The following LRMDA variants were observed in gnomAD, a reference collection of about 807,000 sequenced individuals.
LRMDA encodes leucine rich melanocyte differentiation associated.
A neutral mutation model predicts 29.8 loss-of-function variants in LRMDA; 18 were observed. The observed-to-expected ratio is 0.60, with a 90% confidence interval of 0.42 to 0.90. LRMDA has a LOEUF of 0.90. LRMDA is among the 40% of genes least tolerant of loss of function. The pLI is 0.00. For missense variants in LRMDA, 273 were observed against 273.9 expected, an observed-to-expected ratio of 1.00 and a Z score of 0.02; for synonymous variants, 125 against 109.4, an observed-to-expected ratio of 1.14 and a Z score of -0.89.
chr10:76,220,982 A>G (rs1196205946), intron 5 of LRMDA, among the ~76,000 whole-genome samples: 1 of 152,154 alleles, frequency 6.6e-6, no homozygotes, highest in Non-Finnish European at 1.5e-5. Context: ...CAAATCAATA[A>G]ATGTAATCCA....
At chr10:75,867,424 G>T (rs562885766) in intron 2 of LRMDA, among the ~76,000 whole-genome samples, 9 of 152,274 alleles carry the variant, frequency 5.9e-5, no homozygotes, top group African/African-American at 2.2e-4. Context: ...GCCTCCCAAA[G>T]TGCTGGGATT....
At chr10:76,141,740 C>A (rs138346349) in intron 5 of LRMDA, among the ~76,000 whole-genome samples, 37 of 152,198 alleles carry the variant, frequency 2.4e-4, no homozygotes, top group African/African-American at 8.2e-4. Flanking sequence ...AGCTTTCAAG[C>A]CCCTTGGTCC....
At chr10:75,520,546 C>T (rs955985500) in intron 2 of LRMDA, among the ~76,000 whole-genome samples, 11 of 152,178 alleles carry the variant, frequency 7.2e-5, no homozygotes, top group Admixed American at 7.2e-4. Flanking sequence ...TTAAGTTCTT[C>T]TCTCTACACT....
At chr10:76,320,616 T>TA (rs2132393265) in intron 5 of LRMDA, among the ~76,000 whole-genome samples, 1 of 152,296 alleles carries the variant, frequency 6.6e-6, no homozygotes, top group Admixed American at 6.5e-5. Flanking sequence ...TTGGTGTTTT[T>TA]AAAAAAATTT....
At position 75,497,621 on chromosome 10, in the gene LRMDA, C is replaced by G. The variant is rs773799419; in HGVS notation, c.131+59127C>G. 2.6e-4 allele frequency among the ~76,000 whole-genome samples: 40 copies of G among 152,020 alleles called. No homozygotes were observed. The South Asian group carries it at 2.7e-3, about 10-fold the overall frequency. ...TTCCTAGCTAATTCCTGCTCCCTCC[C>G]CTCCATAGGCAATTGCTCTTTTTTT... On this transcript the variant is annotated intron_variant, in intron 2 of 6. Coordinates refer to ENST00000611255, the MANE Select transcript of LRMDA (RefSeq NM_001305581.2).
chr10:75,502,722 A>G (rs570765169), intron 2 of LRMDA, among the ~76,000 whole-genome samples: 13 of 152,160 alleles, frequency 8.5e-5, no homozygotes, highest in African/African-American at 2.6e-4. Flanking sequence ...GTGGGTACAC[A>G]CTTCTTTCTC....
chr10:75,792,094 C>T (rs964476206), intron 2 of LRMDA, among the ~76,000 whole-genome samples: 4 of 151,860 alleles, frequency 2.6e-5, no homozygotes, highest in South Asian at 2.1e-4. Flanking sequence ...CTCCTGACCT[C>T]GTGATCCCCC....
intron 6 of LRMDA, among the ~76,000 whole-genome samples, chr10:76,329,897 C>T (rs887272282): frequency 9.2e-5 from 14 of 152,176 alleles, no homozygotes; most frequent in Non-Finnish European, 1.9e-4. Context: ...AAATACGTTT[C>T]CACAGAAGAC....
chr10:75,628,802 A>G (rs1176877635), intron 2 of LRMDA, among the ~76,000 whole-genome samples: 1 of 152,140 alleles, frequency 6.6e-6, no homozygotes, highest in African/African-American at 2.4e-5. Flanking sequence ...GGGGCTGGCC[A>G]TGCATGTGCC....
chr10:75,673,555 C>T (rs1460605188), intron 2 of LRMDA, among the ~76,000 whole-genome samples: 1 of 152,146 alleles, frequency 6.6e-6, no homozygotes, highest in Non-Finnish European at 1.5e-5. Context: ...CTGGTGGCTC[C>T]TAGTCTTGGG....
At chr10:76,274,300 G>A (rs535144163) in intron 5 of LRMDA, among the ~76,000 whole-genome samples, 2 of 152,288 alleles carry the variant, frequency 1.3e-5, no homozygotes, top group African/African-American at 4.8e-5. Context: ...AAATAAATGA[G>A]TTGTGAAAAT....
At chr10:75,797,020 T>C (rs1305881348) in intron 2 of LRMDA, among the ~76,000 whole-genome samples, 4 of 152,252 alleles carry the variant, frequency 2.6e-5, no homozygotes, top group Admixed American at 1.3e-4. Context: ...TCCTCTGTGC[T>C]CTGAAAGAGT....
chr10:76,333,663 C>T (rs145453840), intron 6 of LRMDA, among the ~76,000 whole-genome samples: 9 of 152,178 alleles, frequency 5.9e-5, no homozygotes, highest in East Asian at 1.9e-4. Context: ...GTTTTTCCTC[C>T]GCATGTTATT....
intron 6 of LRMDA, among the ~76,000 whole-genome samples, chr10:76,521,063 AC>A (rs1337197157): frequency 6.6e-6 from 1 of 152,014 alleles, no homozygotes; most frequent in African/African-American, 2.4e-5. Flanking sequence ...TAGTGAACTT[AC>A]AATTTCATGT....
chr10:76,351,760 C>T (rs1841179448), intron 6 of LRMDA, among the ~76,000 whole-genome samples: 1 of 150,738 alleles, frequency 6.6e-6, no homozygotes. Context: ...GTTGATTTTA[C>T]ACATAAGGAC....
intron 2 of LRMDA, among the ~76,000 whole-genome samples, chr10:75,886,981 C>G (rs1163948490): frequency 1.3e-5 from 2 of 152,088 alleles, no homozygotes; most frequent in Non-Finnish European, 2.9e-5. Flanking sequence ...AGGTGTGTCT[C>G]TGTTGTGGTA....
chr10:76,375,235 A>T (rs1841502098), intron 6 of LRMDA, among the ~76,000 whole-genome samples: 1 of 152,140 alleles, frequency 6.6e-6, no homozygotes, highest in Non-Finnish European at 1.5e-5. Flanking sequence ...ACTATACCCA[A>T]GTTGTTGGAT....
chr10:75,762,262 G>T (rs1359181505), intron 2 of LRMDA, among the ~76,000 whole-genome samples: 1 of 152,198 alleles, frequency 6.6e-6, no homozygotes, highest in African/African-American at 2.4e-5. Context: ...AATCAATCCT[G>T]TCCAACTCAC....
chr10:75,822,685 G>A (rs1239477598), intron 2 of LRMDA, among the ~76,000 whole-genome samples: 1 of 151,848 alleles, frequency 6.6e-6, no homozygotes, highest in Non-Finnish European at 1.5e-5. Flanking sequence ...CTTTGACAAA[G>A]TTGAAAAAAA....
Sources: gnomAD v4.1 joint callset for allele counts (sites outside exome capture counted in the v4.1 genomes callset) on GRCh38, gnomAD v4.1.1 for gene constraint, MANE v1.5 for transcripts, NCBI Gene and HGNC (gene_info 2026-07-23, HGNC 2026-07-21) for gene names.